Variants in LRP1 observed in about 807,000 individuals in gnomAD.
LRP1 encodes LDL receptor related protein 1.
A neutral mutation model predicts 541.5 loss-of-function variants in LRP1; 51 were observed. That is an observed-to-expected ratio of 0.09 (90% confidence interval 0.08 to 0.12). The LOEUF is 0.12. Ranked by LOEUF, LRP1 falls within the 10% of genes least tolerant of loss-of-function variation. The probability of loss-of-function intolerance (pLI) is 1.00; values close to 1 mark genes in which losing one functional copy is unlikely to be tolerated. For synonymous variants in LRP1, 2,219 were observed against 2,470.8 expected, an observed-to-expected ratio of 0.90 and a Z score of 3.02; for missense variants, 3,878 against 6,376.2, an observed-to-expected ratio of 0.61 and a Z score of 13.34.
chr12:57,153,214 G>A (rs1358824677), intron 6 of LRP1, among the ~76,000 whole-genome samples: 1 of 152,122 alleles, frequency 6.6e-6, no homozygotes, highest in Non-Finnish European at 1.5e-5. Context: ...GAAGGGGGTA[G>A]TGAGTAGATG....
chr12:57,208,275 G>C (rs567197808), intron 77 of LRP1, 59 bp downstream of exon 77: 2 of 1,548,832 alleles, frequency 1.3e-6, no homozygotes, highest in Admixed American at 3.7e-5. Context: ...CCCGGGACAG[G>C]GTTGGGGGCT....
intron 22 of LRP1, among the ~76,000 whole-genome samples, chr12:57,175,254 G>C (rs1480309135): frequency 1.3e-5 from 2 of 152,178 alleles, no homozygotes; most frequent in Non-Finnish European, 1.5e-5. Flanking sequence ...TGGGTGCAAG[G>C]GTCCCAACTC....
chr12:57,171,788 G>A (rs2035948232), intron 20 of LRP1, among the ~76,000 whole-genome samples: 1 of 152,146 alleles, frequency 6.6e-6, no homozygotes, highest in African/African-American at 2.4e-5. Flanking sequence ...GTGGCAGCAT[G>A]AGTGTATGAG....
intron 2 of LRP1, among the ~76,000 whole-genome samples, chr12:57,139,468 G>A (rs1481839848): frequency 6.6e-6 from 1 of 152,104 alleles, no homozygotes; most frequent in Non-Finnish European, 1.5e-5. Flanking sequence ...CTTCAGCCTG[G>A]AGTCTCTTCT....
Position 57,196,284 on chromosome 12 carries a change from C to T in LRP1, c.8892+7C>T. ...CCTCAAGATCGGCTTCAAGGTATGCCCAGCCCTGGGGAGGAGCTTCCACAC... is the reference window on the plus strand; with the variant it reads ...CCTCAAGATCGGCTTCAAGGTATGCTCAGCCCTGGGGAGGAGCTTCCACAC... On this transcript the variant is annotated splice_region_variant and intron_variant, in intron 55 of 88. Transcript: ENST00000243077. The T allele has an allele frequency of 6.4e-7, 1 of 1,570,540 alleles. No homozygotes were observed. The highest frequency in any genetic ancestry group is 8.7e-7 in the Non-Finnish European group (1 of 1,153,584).
chr12:57,133,935 G>A (rs889776710), intron 1 of LRP1, among the ~76,000 whole-genome samples: 40 of 152,090 alleles, frequency 2.6e-4, no homozygotes, highest in African/African-American at 9.2e-4. Flanking sequence ...GGACTTCGCT[G>A]TCACCCTCTC....
intron 44 of LRP1, among the ~76,000 whole-genome samples, chr12:57,192,039 AT>A (rs2036420379): frequency 7.2e-6 from 1 of 138,918 alleles, no homozygotes; most frequent in Non-Finnish European, 1.6e-5. Context: ...CACAACACAC[AT>A]CACACACACA....
In LRP1 at chr12:57,211,267, A is replaced by G. The variant is rs962306993; in HGVS notation, c.13008A>G (p.Gly4336=). 6.2e-7 allele frequency: 1 copy of G among 1,614,050 alleles called. No homozygotes were observed. The highest frequency in any genetic ancestry group is 1.3e-5 in the African/African-American group (1 of 74,924). The change falls in exon 84 of 89, where the codon GGA becomes GGG. Residue 4336 remains glycine, a synonymous_variant. Coordinates refer to ENST00000243077, the MANE Select transcript of LRP1 (RefSeq NM_002332.3). This position sits in a 1 kb window ranked among gnomAD's most constrained non-coding sequence, Gnocchi z 4.3. The part of the protein sequence containing the change: ...RQCRCTAYFE[G]SRCEVNKCSR... ...GCCGCTGCACTGCCTACTTTGAGGG[A>G]TCGAGGTGTGAGGTGAACAAGTGCA...
rs764650029 is a variant in LRP1, at chr12:57,162,395, C to T, written c.2281C>T (p.Arg761Trp). Residue 761 changes from arginine (R) to tryptophan (W), a missense_variant, in exon 14 of 89, where the codon CGG becomes TGG. Arg to Trp is a moderately radical substitution (Grantham distance 101, BLOSUM62 -3). This residue lies in a region of LRP1 where 496 missense variants were observed against 861.0 expected (regional missense o/e 0.58). Transcript: ENST00000243077. This position sits in a 1 kb window ranked among gnomAD's most constrained non-coding sequence, Gnocchi z 5.2. ...CAACTACCTCTTCTGGACTGAGTAT[C>T]GGAGTGGCAGTGTCTACCGCTTGGA... ...HGNYLFWTEY[R>W]SGSVYRLERG... 3 of 1,614,164 alleles carry T rather than the reference C, an allele frequency of 1.9e-6. No individual in the cohort carries two copies. The highest frequency in any genetic ancestry group is 1.7e-5 in the Admixed American group (1 of 60,016).
intron 1 of LRP1, among the ~76,000 whole-genome samples, chr12:57,138,157 G>C (rs1446910156): frequency 6.6e-6 from 1 of 152,160 alleles, no homozygotes; most frequent in South Asian, 2.1e-4. Flanking sequence ...GCTGGTGTCT[G>C]ATGAGAGTAA....
In LRP1 at chr12:57,165,632, A is replaced by G. The variant is rs867502853; in HGVS notation, c.2531-173A>G. On this transcript the variant is annotated intron_variant, in intron 15 of 88. Coordinates refer to ENST00000243077, the MANE Select transcript of LRP1 (RefSeq NM_002332.3). The surrounding 1 kb of genome is among the most constrained non-coding windows in gnomAD (Gnocchi z 4.5). Reference sequence around the variant, plus strand: ...GTAAACATCACTATTGTTGCTTGGGAAAGAATTGCAGTTTCCATCCAGATA... The same window carrying G: ...GTAAACATCACTATTGTTGCTTGGGGAAGAATTGCAGTTTCCATCCAGATA... 9 of 630,482 alleles carry G rather than the reference A, an allele frequency of 1.4e-5. No individual in the cohort carries two copies. The highest frequency in any genetic ancestry group is 9.2e-5 in the African/African-American group (5 of 54,572). The allele number at this position is 630,482 out of a possible 1,614,324, so 39.1% of individuals were successfully genotyped here.
chr12:57,163,103 A>C, intron 15 of LRP1, 120 bp downstream of exon 15: 1 of 1,366,966 alleles, frequency 7.3e-7, no homozygotes, highest in South Asian at 1.5e-5. Context: ...AGGGGCCCTT[A>C]GGGGGCCAAC....
At chr12:57,166,897 C>G in intron 17 of LRP1, 33 bp from the exon 18 acceptor site, 3 of 1,113,110 alleles carry the variant, frequency 2.7e-6, no homozygotes, top group Non-Finnish European at 4.1e-6. Flanking sequence ...AGGGTCAGGA[C>G]AATGAGTACT....
intron 4 of LRP1, chr12:57,144,522 T>G (rs576507637): frequency 6.0e-6 from 1 of 165,718 alleles, no homozygotes; most frequent in Non-Finnish European, 1.3e-5. Context: ...CCCCGACCCC[T>G]CTAAAACTGC....
At chr12:57,203,747 A>T (rs2036708341) in intron 70 of LRP1, 3 of 553,760 alleles carry the variant, frequency 5.4e-6, no homozygotes, top group Non-Finnish European at 9.0e-6. Context: ...GCCCAGCTCA[A>T]TGCCCCCTAG....
In LRP1 at chr12:57,156,703, A is replaced by G; in HGVS notation, c.1418-74A>G. On this transcript the variant is annotated intron_variant, in intron 9 of 88. Coordinates refer to ENST00000243077, the MANE Select transcript of LRP1 (RefSeq NM_002332.3). This position sits in a 1 kb window ranked among gnomAD's most constrained non-coding sequence, Gnocchi z 5.2. ...GACCACAGCAGCAGGGGGTGTGGTC[A>G]GATTCAGGAAGCCTTCTCAAGGCCT... 1.4e-6 allele frequency: 2 copies of G among 1,477,644 alleles called. No individual in the cohort carries two copies. The highest frequency in any genetic ancestry group is 1.4e-5 in the African/African-American group (1 of 71,684). 91.5% of individuals were successfully genotyped at this position (1,477,644 alleles called of 1,614,324 possible). A position where few individuals can be genotyped will look rare whatever the true frequency, so the allele number is the denominator to read the frequency against.
Position 57,178,364 on chromosome 12 carries a change from A to C in LRP1, c.4367A>C (p.Asp1456Ala). ...CTGCTCCATCATGCTCTTAGGTCAGATGCCATTTACTCAGCCCGTTACGAC... is the reference window on the plus strand; with the variant it reads ...CTGCTCCATCATGCTCTTAGGTCAGCTGCCATTTACTCAGCCCGTTACGAC... The part of the protein sequence containing the change: ...KRILWIDARS[D>A]AIYSARYDGS... Residue 1456 changes from aspartate to alanine, a missense_variant, in exon 27 of 89, where the codon GAT becomes GCT. Transcript: ENST00000243077. This position sits in a 1 kb window ranked among gnomAD's most constrained non-coding sequence, Gnocchi z 5.8. 6.2e-7 allele frequency: 1 copy of C among 1,613,558 alleles called. No homozygotes were observed. Among genetic ancestry groups the C allele is most frequent in the Non-Finnish European group, 8.5e-7 (1 of 1,179,506 alleles).
Position 57,185,055 on chromosome 12 carries a change from C to G in LRP1, c.6339-26C>G, listed in dbSNP as rs2036241401. 3 of 1,613,978 alleles carry G rather than the reference C, an allele frequency of 1.9e-6. No homozygotes were observed. The highest frequency in any genetic ancestry group is 2.5e-6 in the Non-Finnish European group (3 of 1,179,982). On this transcript the variant is annotated intron_variant, in intron 39 of 88. Coordinates refer to ENST00000243077, the MANE Select transcript of LRP1 (RefSeq NM_002332.3). The surrounding 1 kb of genome is among the most constrained non-coding windows in gnomAD (Gnocchi z 4.9). ...CTTCCCTCCTGCCTCCACTGATGCC[C>G]TGCTTGTGCCCTGTCCTTCCCTCAG...
rs1381540330 is a variant in LRP1, at chr12:57,180,134, C to T, written c.5229C>T (p.Gly1743=). 1 of 1,613,474 alleles carries T rather than the reference C, an allele frequency of 6.2e-7. No individual in the cohort carries two copies. The highest frequency in any genetic ancestry group is 8.5e-7 in the Non-Finnish European group (1 of 1,179,886). ...NRTLLFSGQK[G]PVGLAIDFPE... is the part of the protein sequence containing the mutation. ...CCCTGCTCTTCAGTGGCCAGAAGGGCCCCGTGGGTACGAGCTTCCCTGCCC... is the reference window on the plus strand; with the variant it reads ...CCCTGCTCTTCAGTGGCCAGAAGGGTCCCGTGGGTACGAGCTTCCCTGCCC... Residue 1743 remains glycine, a synonymous_variant, in exon 31 of 89, where the codon GGC becomes GGT. Coordinates refer to ENST00000243077, the MANE Select transcript of LRP1 (RefSeq NM_002332.3).
Sources: gnomAD v4.1 joint callset for allele counts (sites outside exome capture counted in the v4.1 genomes callset) on GRCh38, gnomAD v4.1.1 for gene constraint, gnomAD v4.1.1 regional missense constraint, Gnocchi (gnomAD v3.1) non-coding constraint, MANE v1.5 for transcripts, NCBI Gene and HGNC (gene_info 2026-07-23, HGNC 2026-07-21) for gene names.